Variants in CUX2 observed in about 807,000 individuals in gnomAD.
The protein encoded by CUX2 is homeobox protein cut-like 2.
In CUX2, 40 loss-of-function variants were observed where a neutral mutation model predicts 144.8. The observed-to-expected ratio is 0.28, with a 90% CI of 0.21 to 0.36. The LOEUF is 0.36. Ranked by LOEUF, CUX2 falls within the 10% of genes least tolerant of loss-of-function variation. The pLI is 1.00. For missense variants in CUX2, 1,615 were observed against 1,994.0 expected, an observed-to-expected ratio of 0.81 and a Z score of 3.62; for synonymous variants, 827 against 875.6, an observed-to-expected ratio of 0.94 and a Z score of 0.98.
intron 7 of CUX2, among the ~76,000 whole-genome samples, chr12:111,296,093 T>A (rs1455333593): frequency 6.6e-6 from 1 of 152,094 alleles, no homozygotes; most frequent in Non-Finnish European, 1.5e-5. Flanking sequence ...CACCTCGGGA[T>A]GGATGGCCCT....
intron 8 of CUX2, among the ~76,000 whole-genome samples, chr12:111,297,942 C>CTCA (rs1886092983): frequency 2.0e-5 from 3 of 152,084 alleles, no homozygotes; most frequent in Non-Finnish European, 4.4e-5. Context: ...GAGGAGGTGG[C>CTCA]TTTCAGAATG....
rs75259587 is a variant in CUX2 at position 111,245,628 on chromosome 12, A to C, written c.223-18133A>C. On this transcript the variant is annotated intron_variant, in intron 3 of 21. Transcript: ENST00000261726. ...GAGCGAGACCCTGTCTCAAAGAAAA[A>C]TGATGCTGCTGGTATTCCTGGGAAA... Among the ~76,000 whole-genome samples, 22 of 152,276 alleles carry C rather than the reference A, an allele frequency of 1.4e-4. No homozygotes were observed. The East Asian group carries it at 4.3e-3, about 29-fold the overall frequency.
chr12:111,205,342 G>A (rs980094390), intron 1 of CUX2, among the ~76,000 whole-genome samples: 12 of 152,142 alleles, frequency 7.9e-5, no homozygotes, highest in African/African-American at 2.7e-4. Context: ...CGGCAACTCT[G>A]ATAGCAAAAT....
At chr12:111,243,463 A>G (rs1275990233) in intron 3 of CUX2, among the ~76,000 whole-genome samples, 1 of 149,546 alleles carries the variant, frequency 6.7e-6, no homozygotes, top group East Asian at 2.0e-4. Flanking sequence ...TCAGGACTCA[A>G]ATAGGTTCAC....
At chr12:111,234,625 T>C (rs368520709) in intron 3 of CUX2, among the ~76,000 whole-genome samples, 2 of 151,922 alleles carry the variant, frequency 1.3e-5, no homozygotes, top group East Asian at 3.9e-4. Flanking sequence ...TGAAGAGTGG[T>C]GGTGAGCACA....
chr12:111,332,529 A>G (rs1020069313), intron 18 of CUX2, among the ~76,000 whole-genome samples: 1 of 151,964 alleles, frequency 6.6e-6, no homozygotes, highest in Non-Finnish European at 1.5e-5. Flanking sequence ...GATCCCCCAT[A>G]TTTTATTCAG....
At chr12:111,114,826 T>C (rs1375427076) in intron 1 of CUX2, among the ~76,000 whole-genome samples, 2 of 152,340 alleles carry the variant, frequency 1.3e-5, no homozygotes, top group East Asian at 3.9e-4. Flanking sequence ...TGTCTCAAAT[T>C]AATGTTTGTG....
At position 111,293,028 on chromosome 12, in the gene CUX2, C is replaced by T. The variant is rs1258057344; in HGVS notation, c.437-418C>T. On this transcript the variant is annotated intron_variant, in intron 5 of 21. Coordinates refer to ENST00000261726, the MANE Select transcript of CUX2 (RefSeq NM_015267.4). The surrounding 1 kb of genome is among the most constrained non-coding windows in gnomAD (Gnocchi z 4.5). The stretch of plus-strand genomic sequence containing the variant: ...ATCCCAGGTACTCGGGAGGCTGAGG[C>T]GGGAGAATCGCTTGAACCCAGGAGG... Among the ~76,000 whole-genome samples, 6 of 151,852 alleles carry T rather than the reference C, an allele frequency of 4.0e-5. No homozygotes were observed. The highest frequency in any genetic ancestry group is 8.8e-5 in the Non-Finnish European group (6 of 68,022).
chr12:111,275,895 T>G (rs1884851591), intron 4 of CUX2, among the ~76,000 whole-genome samples: 1 of 152,138 alleles, frequency 6.6e-6, no homozygotes, highest in Non-Finnish European at 1.5e-5. Context: ...GGCCACAGGG[T>G]CTAACGAAAA....
chr12:111,085,884 T>C lies in CUX2; in HGVS notation c.63+51644T>C, dbSNP rs545261649. Among the ~76,000 whole-genome samples the C allele has an allele frequency of 2.6e-5, 4 of 152,386 alleles. No homozygotes were observed. The South Asian group carries it at 8.3e-4, about 32-fold the overall frequency. On this transcript the variant is annotated intron_variant, in intron 1 of 21. Transcript: ENST00000261726. ...GCAAGGGCTTACACAGGGCAGATGC[T>C]TGAAGCATTATTGTCACATCAGTGA...
intron 1 of CUX2, among the ~76,000 whole-genome samples, chr12:111,201,640 C>T (rs551362170): frequency 6.3e-4 from 96 of 152,272 alleles, no homozygotes; most frequent in African/African-American, 2.1e-3. Flanking sequence ...ATACAGTGGG[C>T]GCTTAATAAA....
chr12:111,062,327 G>C (rs1870817127), intron 1 of CUX2, among the ~76,000 whole-genome samples: 1 of 152,188 alleles, frequency 6.6e-6, no homozygotes, highest in South Asian at 2.1e-4. Flanking sequence ...GAGGGTCCAC[G>C]AGCATTTTAT....
In CUX2 at chr12:111,293,128, C is replaced by CAA. The variant is rs35086981; in HGVS notation, c.437-309_437-308dup. 7.5e-5 allele frequency among the ~76,000 whole-genome samples: 11 copies of CAA among 147,326 alleles called. No individual in the cohort carries two copies. Among genetic ancestry groups the CAA allele is most frequent in the East Asian group, 5.9e-4 (3 of 5,092 alleles). ...TGGGCAACAGACCAAGACTCCGTCT[C>CAA]AAAAAAAAAATAAAAAATAAAAAAA... On this transcript the variant is annotated intron_variant, in intron 5 of 21. Coordinates refer to ENST00000261726, the MANE Select transcript of CUX2 (RefSeq NM_015267.4). The surrounding 1 kb of genome is among the most constrained non-coding windows in gnomAD (Gnocchi z 4.5).
chr12:111,296,440 G>A (rs773904716), intron 7 of CUX2, 33 bp from the exon 8 acceptor site: 4 of 1,581,156 alleles, frequency 2.5e-6, no homozygotes, highest in Middle Eastern at 1.8e-4. Context: ...CCACTCGGAG[G>A]TGGGGCCTCA....
At chr12:111,181,921 A>G (rs1879203209) in intron 1 of CUX2, among the ~76,000 whole-genome samples, 3 of 152,242 alleles carry the variant, frequency 2.0e-5, no homozygotes, top group African/African-American at 7.2e-5. Context: ...CTACAGCTGG[A>G]TGAAATATTT....
At chr12:111,339,566 T>A (rs1310975371) in intron 20 of CUX2, 1 of 152,246 alleles carries the variant, frequency 6.6e-6, no homozygotes, top group Non-Finnish European at 1.5e-5. Flanking sequence ...TCTCAGAAGC[T>A]AAGCCGAGTC....
At chr12:111,128,964 A>T (rs1024628111) in intron 1 of CUX2, among the ~76,000 whole-genome samples, 2 of 152,128 alleles carry the variant, frequency 1.3e-5, no homozygotes, top group Non-Finnish European at 2.9e-5. Flanking sequence ...CACTCCACAC[A>T]TGGGTGGAAT....
At chr12:111,227,350 C>T (rs748966298) in intron 3 of CUX2, among the ~76,000 whole-genome samples, 2 of 152,134 alleles carry the variant, frequency 1.3e-5, no homozygotes, top group African/African-American at 2.4e-5. Flanking sequence ...GGGTTCAAAT[C>T]GCAGCTCGTT....
In CUX2 at chr12:111,071,873, TC is replaced by T. The variant is rs1566200512; in HGVS notation, c.63+37634del. Among the ~76,000 whole-genome samples, 3 of 152,210 alleles carry T rather than the reference TC, an allele frequency of 2.0e-5. No individual in the cohort carries two copies. The East Asian group carries it at 5.8e-4, about 29-fold the overall frequency. ...GCACCATTTGTTGAAAAGACAAATATCTCTTCTCCATTTTATTGCCTTTGCT... is the reference window on the plus strand; with the variant it reads ...GCACCATTTGTTGAAAAGACAAATATTCTTCTCCATTTTATTGCCTTTGCT... On this transcript the variant is annotated intron_variant, in intron 1 of 21. Coordinates refer to ENST00000261726, the MANE Select transcript of CUX2 (RefSeq NM_015267.4).
Sources: allele counts gnomAD v4.1 joint callset (sites outside exome capture counted in the v4.1 genomes callset), GRCh38; gene constraint gnomAD v4.1.1; non-coding constraint Gnocchi (gnomAD v3.1); transcripts MANE v1.5; gene names NCBI Gene and HGNC (gene_info 2026-07-23, HGNC 2026-07-21).